Variants in ATOX1 observed in about 807,000 individuals in gnomAD.
ATOX1 encodes the protein copper transport protein ATOX1.
Under a neutral mutation model 7.3 loss-of-function variants are expected in ATOX1, and 4 were observed. The observed-to-expected ratio is 0.55, with a 90% CI of 0.27 to 1.25. ATOX1 has a LOEUF of 1.25. ATOX1 is among the 50% of genes most tolerant of loss of function. The probability of loss-of-function intolerance (pLI) is 0.12; values close to 1 mark genes in which losing one functional copy is unlikely to be tolerated. For synonymous variants in ATOX1, 25 were observed against 28.7 expected (o/e 0.87, Z 0.41); for missense variants, 68 against 81.6 (o/e 0.83, Z 0.64).
intron 3 of ATOX1, chr5:151,743,668 TTTC>T (rs1264562344): frequency 6.6e-6 from 1 of 152,130 alleles, no homozygotes; most frequent in African/African-American, 2.4e-5. Context: ...AATCTGGGTG[TTTC>T]ATCACCCAGA....
rs941383917 is a variant in ATOX1 at position 151,746,269 on chromosome 5, C to T, written c.*46+10G>A. 1.2e-5 allele frequency: 20 copies of T among 1,603,638 alleles called. No homozygotes were observed. The Admixed American group carries it at 3.4e-4, about 27-fold the overall frequency. Reference sequence around the variant, plus strand: ...TAGGTTTGTTCAGCAAGTGCTGGGGCCTTACCCACCTGCCCCCTTTGGTCC... The same window carrying T: ...TAGGTTTGTTCAGCAAGTGCTGGGGTCTTACCCACCTGCCCCCTTTGGTCC... On this transcript the variant is annotated intron_variant, in intron 3 of 3. Transcript: ENST00000313115.
At chr5:151,758,511 C>T in intron 1 of ATOX1, 35 bp downstream of exon 1, 1 of 1,485,228 alleles carries the variant, frequency 6.7e-7, no homozygotes, top group Non-Finnish European at 9.0e-7. Flanking sequence ...CCCGGGACTG[C>T]AAGTCTGCGT....
At position 151,751,724 on chromosome 5, in the gene ATOX1, C is replaced by T. The variant is rs1026147447; in HGVS notation, c.62G>A (p.Arg21Gln). ...TCGGCAEAVS[R>Q]VLNKLGGVKY... The stretch of plus-strand genomic sequence containing the variant: ...CTCACCTCCAAGCTTATTGAGGACC[C>T]GAGAGACAGCTTCAGCACAGCCTCC... The change falls in exon 2 of 4, where the codon CGG becomes CAG. Residue 21 changes from arginine (R) to glutamine (Q), a missense_variant. By Grantham distance (43) the Arg-to-Gln change is conservative (BLOSUM62 1). Coordinates refer to ENST00000313115, the MANE Select transcript of ATOX1 (RefSeq NM_004045.4). The T allele has an allele frequency of 5.0e-6, 8 of 1,607,942 alleles. No individual in the cohort carries two copies. Among genetic ancestry groups the T allele is most frequent in the African/African-American group, 2.7e-5 (2 of 74,772 alleles).
intron 2 of ATOX1, among the ~76,000 whole-genome samples, chr5:151,750,442 G>A (rs935811181): frequency 6.8e-6 from 1 of 147,426 alleles, no homozygotes; most frequent in Non-Finnish European, 1.5e-5. Context: ...GGAGGCAGAG[G>A]CTGCAATGAG....
chr5:151,751,125 G>A (rs1409817160), intron 2 of ATOX1, among the ~76,000 whole-genome samples: 3 of 151,976 alleles, frequency 2.0e-5, no homozygotes, highest in African/African-American at 7.2e-5. Context: ...GCGTGGTGGT[G>A]CATGCCTGTA....
chr5:151,744,096 G>A (rs1257572479), intron 3 of ATOX1: 1 of 152,204 alleles, frequency 6.6e-6, no homozygotes, highest in Non-Finnish European at 1.5e-5. Context: ...ACATGTCCAG[G>A]GTAGGCAAAT....
At chr5:151,755,351 A>T (rs1487963523) in intron 1 of ATOX1, among the ~76,000 whole-genome samples, 1 of 152,224 alleles carries the variant, frequency 6.6e-6, no homozygotes, top group Non-Finnish European at 1.5e-5. Flanking sequence ...TATTTCACTC[A>T]GGAGGAAAGT....
At chr5:151,753,192 C>T (rs1761972171) in intron 1 of ATOX1, among the ~76,000 whole-genome samples, 1 of 152,222 alleles carries the variant, frequency 6.6e-6, no homozygotes. Flanking sequence ...TCTCCAGCTC[C>T]AGTCAAGCCT....
intron 2 of ATOX1, among the ~76,000 whole-genome samples, chr5:151,747,038 T>A (rs1178329032): frequency 6.7e-6 from 1 of 149,818 alleles, no homozygotes; most frequent in African/African-American, 2.5e-5. Context: ...CCAGCCACCT[T>A]TTTTTTTTAA....
At chr5:151,746,626 G>A in intron 2 of ATOX1, 177 bp from the exon 3 acceptor site, 2 of 670,218 alleles carry the variant, frequency 3.0e-6, no homozygotes, top group Non-Finnish European at 2.5e-6. Flanking sequence ...GGCATTGTGG[G>A]TCACATATAG....
intron 3 of ATOX1, chr5:151,745,438 G>A (rs753527912): frequency 6.6e-5 from 10 of 152,284 alleles, no homozygotes; most frequent in East Asian, 3.9e-4. Context: ...TGTAATTCAC[G>A]AGTCAAATGC....
chr5:151,746,811 G>A (rs1200299505), intron 2 of ATOX1, among the ~76,000 whole-genome samples: 1 of 152,156 alleles, frequency 6.6e-6, no homozygotes, highest in African/African-American at 2.4e-5. Flanking sequence ...TCAGCTCACT[G>A]CAACCTCCAC....
intron 1 of ATOX1, among the ~76,000 whole-genome samples, chr5:151,756,277 G>T (rs1762015464): frequency 6.6e-6 from 1 of 151,776 alleles, no homozygotes; most frequent in African/African-American, 2.4e-5. Flanking sequence ...AGGAAACTGA[G>T]ATTTAGGGGT....
At chr5:151,755,988 C>T (rs1762010869) in intron 1 of ATOX1, among the ~76,000 whole-genome samples, 2 of 144,330 alleles carry the variant, frequency 1.4e-5, no homozygotes, top group East Asian at 4.0e-4. Flanking sequence ...GTCACCCAGG[C>T]TGCAGTGCAG....
chr5:151,743,262 C>T (rs1364844408), intron 3 of ATOX1: 1 of 152,084 alleles, frequency 6.6e-6, no homozygotes, highest in Non-Finnish European at 1.5e-5. Flanking sequence ...TCCAGGGCTG[C>T]CAGGATACCC....
At chr5:151,758,487 C>A in intron 1 of ATOX1, 59 bp downstream of exon 1, 2 of 1,471,312 alleles carry the variant, frequency 1.4e-6, no homozygotes, top group South Asian at 1.4e-5. Context: ...AGCGGCTGTG[C>A]AGCCGAGAAG....
rs547419437 is a variant in ATOX1 at position 151,751,761 on chromosome 5, C to G, written c.25G>C (p.Asp9His). ...TCAGCACAGCCTCCACAGGTCATGT[C>G]CACAGAGAACTCGTGCTTCTGAAAC... MPKHEFSV[D>H]MTCGGCAEAV... The change falls in exon 2 of 4, where the codon GAC (aspartate) becomes CAC (histidine). Residue 9 changes from aspartate to histidine, a missense_variant. Coordinates refer to ENST00000313115, the MANE Select transcript of ATOX1 (RefSeq NM_004045.4). The G allele has an allele frequency of 1.2e-6, 2 of 1,608,754 alleles. No homozygotes were observed. The highest frequency in any genetic ancestry group is 2.2e-5 in the South Asian group (2 of 89,550).
chr5:151,756,304 G>T (rs968339936), intron 1 of ATOX1, among the ~76,000 whole-genome samples: 1 of 151,942 alleles, frequency 6.6e-6, no homozygotes, highest in African/African-American at 2.4e-5. Context: ...ACACACTCAC[G>T]GTGATTCGGC....
intron 2 of ATOX1, among the ~76,000 whole-genome samples, chr5:151,747,162 A>T (rs187025086): frequency 1.7e-3 from 255 of 152,174 alleles, no homozygotes; most frequent in Middle Eastern, 3.4e-3. Flanking sequence ...ATCACTGTGA[A>T]CAGTCTGGCT....
Sources: allele counts gnomAD v4.1 joint callset (sites outside exome capture counted in the v4.1 genomes callset), GRCh38; gene constraint gnomAD v4.1.1; transcripts MANE v1.5; gene names NCBI Gene and HGNC (gene_info 2026-07-23, HGNC 2026-07-21).